The following SLC1A3 variants were observed in gnomAD, a reference collection of about 807,000 sequenced individuals.
SLC1A3 encodes excitatory amino acid transporter 1.
A neutral mutation model predicts 48.1 loss-of-function variants in SLC1A3; 21 were observed. That is an observed-to-expected ratio of 0.44 (90% CI 0.31 to 0.63). The LOEUF is 0.63. SLC1A3 is among the 20% of genes least tolerant of loss of function. The pLI is 0.08. For missense variants in SLC1A3, 546 were observed against 689.0 expected, an observed-to-expected ratio of 0.79 and a Z score of 2.32; for synonymous variants, 239 against 251.4, an observed-to-expected ratio of 0.95 and a Z score of 0.47.
chr5:36,679,294 C>A (rs1360799525), intron 6 of SLC1A3, among the ~76,000 whole-genome samples: 1 of 152,132 alleles, frequency 6.6e-6, no homozygotes, highest in Non-Finnish European at 1.5e-5. Context: ...GAAAGGAGGG[C>A]TGGCTAGGAA....
chr5:36,653,799 G>T (rs1013931869), intron 3 of SLC1A3, among the ~76,000 whole-genome samples: 1 of 152,158 alleles, frequency 6.6e-6, no homozygotes, highest in African/African-American at 2.4e-5. Context: ...CATCCCACAT[G>T]AGCTGAGGAT....
intron 3 of SLC1A3, among the ~76,000 whole-genome samples, chr5:36,646,778 G>A (rs775726635): frequency 3.9e-5 from 6 of 152,174 alleles, no homozygotes; most frequent in Non-Finnish European, 7.3e-5. Flanking sequence ...AGACAATTCC[G>A]TAAGTGGTTC....
chr5:36,651,141 T>TGAAAA (rs1741047303), intron 3 of SLC1A3, among the ~76,000 whole-genome samples: 1 of 114,580 alleles, frequency 8.7e-6, no homozygotes, highest in African/African-American at 3.6e-5. Context: ...AAGTTTTTTT[T>TGAAAA]AAAAAAAAAA....
chr5:36,666,954 T>C (rs1231057197), intron 3 of SLC1A3, among the ~76,000 whole-genome samples: 1 of 152,240 alleles, frequency 6.6e-6, no homozygotes, highest in South Asian at 2.1e-4. Flanking sequence ...TCCATGTGAT[T>C]ACTGCCTAAA....
intron 2 of SLC1A3, among the ~76,000 whole-genome samples, chr5:36,618,980 G>A (rs558490825): frequency 2.0e-5 from 3 of 152,108 alleles, no homozygotes; most frequent in Admixed American, 6.5e-5. Flanking sequence ...AAACTCCAAG[G>A]TTCTTCTGAT....
At chr5:36,628,388 C>T (rs1288765217) in intron 2 of SLC1A3, among the ~76,000 whole-genome samples, 3 of 152,262 alleles carry the variant, frequency 2.0e-5, no homozygotes, top group Middle Eastern at 6.8e-3. Context: ...TGTGCCAACC[C>T]GGTATCATTC....
intron 3 of SLC1A3, among the ~76,000 whole-genome samples, chr5:36,661,568 T>A (rs1741516500): frequency 6.6e-6 from 1 of 152,246 alleles, no homozygotes; most frequent in South Asian, 2.1e-4. Flanking sequence ...GGAATCTGGT[T>A]CCAGAATCTT....
intron 3 of SLC1A3, among the ~76,000 whole-genome samples, chr5:36,658,785 C>T (rs1002429549): frequency 3.3e-5 from 5 of 152,068 alleles, no homozygotes; most frequent in African/African-American, 1.2e-4. Context: ...TTACCCATGG[C>T]CTTTGCAATG....
chr5:36,608,156 C>G, intron 1 of SLC1A3, 173 bp from the exon 2 acceptor site: 1 of 432,218 alleles, frequency 2.3e-6, no homozygotes, highest in Non-Finnish European at 4.2e-6. Context: ...ACATTTCTCA[C>G]ACGTGGTCCA....
rs1382927749 is a variant in SLC1A3, at chr5:36,687,325, A to C, written c.*1056A>C. 1 of 152,270 alleles carries C rather than the reference A, an allele frequency of 6.6e-6. No homozygotes were observed. Among genetic ancestry groups the C allele is most frequent in the Non-Finnish European group, 1.5e-5 (1 of 68,054 alleles). 9.4% of individuals were successfully genotyped at this position (152,270 alleles called of 1,614,324 possible). Reference sequence around the variant, plus strand: ...GTGGAACACTAAAGAGCTAGGAAAGAGTTGAGCACAGGCAACATTACAAAC... The same window carrying C: ...GTGGAACACTAAAGAGCTAGGAAAGCGTTGAGCACAGGCAACATTACAAAC... On this transcript the variant is annotated 3_prime_UTR_variant, in exon 10 of 10. Transcript: ENST00000265113.
At chr5:36,597,371 C>T (rs1397138670) in intron 1 of SLC1A3, among the ~76,000 whole-genome samples, 1 of 151,040 alleles carries the variant, frequency 6.6e-6, no homozygotes, top group African/African-American at 2.4e-5. Context: ...CTCAGCCTCC[C>T]CAGCAGCTGG....
intron 9 of SLC1A3, 76 bp from the exon 10 acceptor site, chr5:36,685,989 C>G (rs1215508163): frequency 1.8e-5 from 21 of 1,158,050 alleles, no homozygotes; most frequent in Non-Finnish European, 2.5e-5. Flanking sequence ...CTTCGCTGGC[C>G]AGTTCCTAAC....
At chr5:36,649,963 T>A (rs1740994890) in intron 3 of SLC1A3, among the ~76,000 whole-genome samples, 1 of 152,232 alleles carries the variant, frequency 6.6e-6, no homozygotes, top group Admixed American at 6.5e-5. Flanking sequence ...TATAATACGT[T>A]CCATCATGGA....
intron 2 of SLC1A3, among the ~76,000 whole-genome samples, chr5:36,625,003 C>G (rs1739845733): frequency 6.6e-6 from 1 of 152,212 alleles, no homozygotes; most frequent in Non-Finnish European, 1.5e-5. Flanking sequence ...GAGACCTATA[C>G]TCAGGCCTAG....
intron 3 of SLC1A3, among the ~76,000 whole-genome samples, chr5:36,652,949 G>C (rs1244415917): frequency 2.0e-5 from 3 of 152,220 alleles, no homozygotes; most frequent in Admixed American, 2.0e-4. Flanking sequence ...GGATAATGCA[G>C]GTCTAGCTTC....
chr5:36,685,950 AGATACG>A (rs1422863218), intron 9 of SLC1A3, 109 bp from the exon 10 acceptor site: 60 of 779,860 alleles, frequency 7.7e-5, no homozygotes, highest in Non-Finnish European at 8.7e-5. Flanking sequence ...TGCAGTTGGT[AGATACG>A]GCGAACTGAA....
At chr5:36,671,497 T>A (rs1290910770) in intron 4 of SLC1A3, among the ~76,000 whole-genome samples, 2 of 152,240 alleles carry the variant, frequency 1.3e-5, no homozygotes. Context: ...GTCACTGACC[T>A]CTCTCAACTA....
chr5:36,613,684 A>T (rs1739301623), intron 2 of SLC1A3, among the ~76,000 whole-genome samples: 1 of 152,100 alleles, frequency 6.6e-6, no homozygotes. Flanking sequence ...GAGCAGGGAG[A>T]GAGGAGCTTC....
At chr5:36,643,574 T>C (rs1740705979) in intron 3 of SLC1A3, among the ~76,000 whole-genome samples, 2 of 152,320 alleles carry the variant, frequency 1.3e-5, no homozygotes, top group Non-Finnish European at 1.5e-5. Context: ...GTAAAAACGC[T>C]GGGCACTAGA....
Sources: gnomAD v4.1 joint callset for allele counts (sites outside exome capture counted in the v4.1 genomes callset) on GRCh38, gnomAD v4.1.1 for gene constraint, MANE v1.5 for transcripts, NCBI Gene and HGNC (gene_info 2026-07-23, HGNC 2026-07-21) for gene names.